RCBTB1: variants seen among roughly 807,000 people sequenced by gnomAD.
RCBTB1 encodes RCC1 and BTB domain-containing protein 1.
A neutral mutation model predicts 62.4 loss-of-function variants in RCBTB1; 46 were observed. That is an observed-to-expected ratio of 0.74 (90% CI 0.58 to 0.94). The LOEUF (loss-of-function observed/expected upper bound fraction) is 0.94, where lower values mean the gene tolerates loss of function less well. Ranked by LOEUF, RCBTB1 falls within the 40% of genes least tolerant of loss-of-function variation. The probability of loss-of-function intolerance (pLI) is 0.00; values close to 1 mark genes in which losing one functional copy is unlikely to be tolerated. For missense variants in RCBTB1, 565 were observed against 654.9 expected (o/e 0.86, Z 1.50); for synonymous variants, 222 against 245.8 (o/e 0.90, Z 0.91).
At chr13:49,573,052 C>T (rs115247033) in intron 2 of RCBTB1, among the ~76,000 whole-genome samples, 2,309 of 152,122 alleles carry the variant, frequency 0.015, 61 homozygotes, top group African/African-American at 0.052. Flanking sequence ...TTATAAGCAC[C>T]CCCCAAGGAA....
intron 12 of RCBTB1, among the ~76,000 whole-genome samples, chr13:49,540,275 T>C (rs749700049): frequency 3.3e-5 from 5 of 152,138 alleles, no homozygotes; most frequent in Non-Finnish European, 7.4e-5. Context: ...GTCTGATGCT[T>C]TGGTTCTTCA....
In RCBTB1 at chr13:49,552,301, A is replaced by G. The variant is rs769194260; in HGVS notation, c.604-16T>C. 213 of 1,529,878 alleles carry G rather than the reference A, an allele frequency of 1.4e-4. No individual in the cohort carries two copies. The highest frequency in any genetic ancestry group is 1.8e-4 in the Non-Finnish European group (206 of 1,116,268). The allele number at this position is 1,529,878 out of a possible 1,614,324, so 94.8% of individuals were successfully genotyped here. A position where few individuals can be genotyped will look rare whatever the true frequency, so the allele number is the denominator to read the frequency against. ...AGCCATATACCTTAGAGAGGACAGA[A>G]GGGAGAGAGTGAGATTTTTAAACTG... is the stretch of plus-strand genomic sequence containing the variant. On this transcript the variant is annotated splice_polypyrimidine_tract_variant and intron_variant, in intron 6 of 12. Coordinates refer to ENST00000378302, the MANE Select transcript of RCBTB1 (RefSeq NM_018191.4).
intron 4 of RCBTB1, among the ~76,000 whole-genome samples, chr13:49,566,336 A>T (rs910104445): frequency 6.6e-6 from 1 of 152,154 alleles, no homozygotes; most frequent in Non-Finnish European, 1.5e-5. Flanking sequence ...AATCCACTGA[A>T]AAATTAGGCT....
chr13:49,536,046 T>C (rs912921926), intron 12 of RCBTB1, among the ~76,000 whole-genome samples: 2 of 152,022 alleles, frequency 1.3e-5, no homozygotes, highest in Non-Finnish European at 2.9e-5. Context: ...AAAGAACTTT[T>C]ATACACAATA....
chr13:49,548,708 T>A (rs1301132182), intron 9 of RCBTB1, among the ~76,000 whole-genome samples: 2 of 151,844 alleles, frequency 1.3e-5, no homozygotes, highest in African/African-American at 4.9e-5. Flanking sequence ...ATGGGTCACA[T>A]ATTGTATGCT....
In RCBTB1 at chr13:49,557,647, C is replaced by T. The variant is rs560308787; in HGVS notation, c.445-1974G>A. Among the ~76,000 whole-genome samples, 279 of 152,160 alleles carry T rather than the reference C, an allele frequency of 1.8e-3. 1 individual carries two copies. Among genetic ancestry groups the T allele is most frequent in the African/African-American group, 6.5e-3 (269 of 41,514 alleles). On this transcript the variant is annotated intron_variant, in intron 5 of 12. Transcript: ENST00000378302. The stretch of plus-strand genomic sequence containing the variant: ...TAAAAAATGAACTCTAGGTTGGGTG[C>T]GGTAGCTCACACCTATAATCCCAGC...
intron 4 of RCBTB1, among the ~76,000 whole-genome samples, chr13:49,563,661 G>GA (rs1330468245): frequency 1.3e-5 from 2 of 151,606 alleles, no homozygotes; most frequent in Admixed American, 6.6e-5. Flanking sequence ...TGTCTCAAAA[G>GA]AAAAAAAAGG....
chr13:49,565,629 G>T (rs1346481940), intron 4 of RCBTB1, among the ~76,000 whole-genome samples: 2 of 126,132 alleles, frequency 1.6e-5, no homozygotes, highest in African/African-American at 7.3e-5. Context: ...GCCCAGCCCC[G>T]ACCCCGTCTG....
At chr13:49,580,866 G>A (rs1337109807) in intron 1 of RCBTB1, among the ~76,000 whole-genome samples, 1 of 152,300 alleles carries the variant, frequency 6.6e-6, no homozygotes. Context: ...AGGACACAGA[G>A]CCAACACCAA....
intron 2 of RCBTB1, among the ~76,000 whole-genome samples, chr13:49,572,971 G>A (rs757465477): frequency 1.3e-5 from 2 of 152,132 alleles, no homozygotes; most frequent in Non-Finnish European, 2.9e-5. Flanking sequence ...TGACAGTCAA[G>A]TACCTTGGTA....
intron 2 of RCBTB1, among the ~76,000 whole-genome samples, chr13:49,570,555 T>C (rs952510980): frequency 6.6e-6 from 1 of 152,248 alleles, no homozygotes; most frequent in Admixed American, 6.5e-5. Flanking sequence ...GTTTGCTGTT[T>C]TGAGCCTGGG....
chr13:49,582,984 C>A (rs1964193572), intron 1 of RCBTB1, among the ~76,000 whole-genome samples: 1 of 152,080 alleles, frequency 6.6e-6, no homozygotes, highest in Non-Finnish European at 1.5e-5. Flanking sequence ...CAAGACCAGC[C>A]TGGGCAACAT....
intron 9 of RCBTB1, among the ~76,000 whole-genome samples, chr13:49,547,820 G>A (rs1428616635): frequency 6.6e-6 from 1 of 152,078 alleles, no homozygotes; most frequent in African/African-American, 2.4e-5. Context: ...ACAGGGTCTC[G>A]CTGTGTCACC....
chr13:49,554,665 C>T (rs942165380), intron 6 of RCBTB1, among the ~76,000 whole-genome samples: 8 of 152,164 alleles, frequency 5.3e-5, no homozygotes, highest in Admixed American at 2.6e-4. Context: ...CACAGGAGCA[C>T]GAACCCCATT....
In RCBTB1 at chr13:49,543,970, A is replaced by G. The variant is rs181345431; in HGVS notation, c.1172+767T>C. On this transcript the variant is annotated intron_variant, in intron 10 of 12. Transcript: ENST00000378302. ...CCAAAGTCCTAGGATTACAGGCATGAGCCACCATGCTGAGCCTAGAACATT... is the reference window on the plus strand; with the variant it reads ...CCAAAGTCCTAGGATTACAGGCATGGGCCACCATGCTGAGCCTAGAACATT... 2.6e-5 allele frequency among the ~76,000 whole-genome samples: 4 copies of G among 152,328 alleles called. No homozygotes were observed. The East Asian group carries it at 7.7e-4, about 29-fold the overall frequency.
intron 2 of RCBTB1, among the ~76,000 whole-genome samples, chr13:49,578,121 G>A (rs975859262): frequency 6.6e-6 from 1 of 152,154 alleles, no homozygotes; most frequent in African/African-American, 2.4e-5. Context: ...CCGGTTCCAG[G>A]ATCTCCTGCA....
rs1381190713 is a variant in RCBTB1 at position 49,532,069 on chromosome 13, A to G, written c.*2053T>C. 3 of 152,666 alleles carry G rather than the reference A, an allele frequency of 2.0e-5. No homozygotes were observed. Among genetic ancestry groups the G allele is most frequent in the Non-Finnish European group, 2.9e-5 (2 of 68,034 alleles). 9.5% of individuals were successfully genotyped at this position (152,666 alleles called of 1,614,324 possible). On this transcript the variant is annotated 3_prime_UTR_variant, in exon 13 of 13. Coordinates refer to ENST00000378302, the MANE Select transcript of RCBTB1 (RefSeq NM_018191.4). ...TCAAGAGTACATTTAGGGCTATCTT[A>G]AGAAATATGAATACTTTGGCTTCCA... is the stretch of plus-strand genomic sequence containing the variant.
In RCBTB1 at chr13:49,533,958, G is replaced by A. The variant is rs1420562577; in HGVS notation, c.*164C>T. 5.2e-6 allele frequency: 3 copies of A among 582,042 alleles called. No homozygotes were observed. The highest frequency in any genetic ancestry group is 1.9e-5 in the African/African-American group (1 of 52,870). The allele number at this position is 582,042 out of a possible 1,614,324, so 36.1% of individuals were successfully genotyped here. ...GTTTAAAATGGGCTCAAGAAAAGCC[G>A]TACACCCTTGTTATGTTCCTACACA... On this transcript the variant is annotated 3_prime_UTR_variant, in exon 13 of 13. Coordinates refer to ENST00000378302, the MANE Select transcript of RCBTB1 (RefSeq NM_018191.4).
intron 2 of RCBTB1, among the ~76,000 whole-genome samples, chr13:49,576,421 A>G (rs1345399200): frequency 2.0e-5 from 3 of 152,164 alleles, no homozygotes; most frequent in African/African-American, 4.8e-5. Context: ...ATACATTTCT[A>G]AAATTAAATA....
Sources: gnomAD v4.1 joint callset for allele counts (sites outside exome capture counted in the v4.1 genomes callset) on GRCh38, gnomAD v4.1.1 for gene constraint, MANE v1.5 for transcripts, NCBI Gene and HGNC (gene_info 2026-07-23, HGNC 2026-07-21) for gene names.